NXPH1: variants seen among roughly 807,000 people sequenced by gnomAD.
The protein encoded by NXPH1 is neurexophilin-1.
In NXPH1, 5 loss-of-function variants were observed where a neutral mutation model predicts 23.7. The observed-to-expected ratio is 0.21, with a 90% confidence interval of 0.11 to 0.44. NXPH1 has a LOEUF of 0.44. Among genes scored for constraint, NXPH1 ranks in the 20% least tolerant of loss-of-function variants. NXPH1 has a pLI of 0.99. For missense variants in NXPH1, 324 were observed against 321.6 expected (o/e 1.01, Z -0.06); for synonymous variants, 144 against 122.2 (o/e 1.18, Z -1.18).
intron 2 of NXPH1, among the ~76,000 whole-genome samples, chr7:8,577,494 A>C (rs1266755605): frequency 1.3e-5 from 2 of 152,174 alleles, no homozygotes; most frequent in Non-Finnish European, 2.9e-5. Flanking sequence ...TACTGTTTAC[A>C]TCAAAAACTA....
chr7:8,710,473 G>A (rs932474662), intron 2 of NXPH1, among the ~76,000 whole-genome samples: 1 of 152,044 alleles, frequency 6.6e-6, no homozygotes, highest in African/African-American at 2.4e-5. Context: ...TTTTAAAGAA[G>A]CATTTTTCTG....
At position 8,461,843 on chromosome 7, in the gene NXPH1, A is replaced by AAAAAAAGAAAAAAAAG. The variant is rs1554423594; in HGVS notation, c.54+26082_54+26083insGAAAAAAAAGAAAAAA. 1.7e-4 allele frequency among the ~76,000 whole-genome samples: 21 copies of AAAAAAAGAAAAAAAAG among 121,472 alleles called. 2 individuals carry two copies. Among genetic ancestry groups the AAAAAAAGAAAAAAAAG allele is most frequent in the African/African-American group, 6.3e-4 (21 of 33,382 alleles). The allele number at this position is 121,472 out of a possible 152,430, so 79.7% of individuals were successfully genotyped here. ...CAGAGCGAGACTCCGTCTCAAAAAA[A>AAAAAAAGAAAAAAAAG]AAAAAAAAGAATAAACACACAAGTG... On this transcript the variant is annotated intron_variant, in intron 2 of 2. Transcript: ENST00000405863.
chr7:8,499,881 T>C (rs936204081), intron 2 of NXPH1, among the ~76,000 whole-genome samples: 5 of 152,092 alleles, frequency 3.3e-5, no homozygotes, highest in African/African-American at 1.2e-4. Context: ...AAGAGCCTCC[T>C]TGTGCGGCCA....
At chr7:8,655,400 T>TTCTCCCTC (rs1820559179) in intron 2 of NXPH1, among the ~76,000 whole-genome samples, 1 of 42,868 alleles carries the variant, frequency 2.3e-5, no homozygotes, top group Non-Finnish European at 4.8e-5. Context: ...GTCTTTGTCT[T>TTCTCCCTC]TCTCTCTCTC....
intron 2 of NXPH1, among the ~76,000 whole-genome samples, chr7:8,696,182 AC>A (rs1305972125): frequency 6.6e-6 from 1 of 152,230 alleles, no homozygotes; most frequent in African/African-American, 2.4e-5. Flanking sequence ...AAACTAACTT[AC>A]GTTTTCTGGT....
chr7:8,497,593 T>G (rs1817358963), intron 2 of NXPH1, among the ~76,000 whole-genome samples: 1 of 152,200 alleles, frequency 6.6e-6, no homozygotes, highest in Admixed American at 6.5e-5. Flanking sequence ...GGTTTTGATT[T>G]GCATTTCTCT....
intron 2 of NXPH1, among the ~76,000 whole-genome samples, chr7:8,567,147 A>C (rs2128621498): frequency 6.6e-6 from 1 of 151,954 alleles, no homozygotes; most frequent in South Asian, 2.1e-4. Context: ...AGTTTGCTTC[A>C]AATCTTATGT....
intron 2 of NXPH1, among the ~76,000 whole-genome samples, chr7:8,465,926 C>A (rs1323456795): frequency 3.3e-5 from 5 of 152,186 alleles, no homozygotes; most frequent in African/African-American, 1.2e-4. Context: ...TTCTGTCCCC[C>A]ATGTACTGCA....
intron 2 of NXPH1, among the ~76,000 whole-genome samples, chr7:8,609,083 C>A (rs895572101): frequency 2.6e-5 from 4 of 152,094 alleles, no homozygotes; most frequent in African/African-American, 4.8e-5. Context: ...AAGAACCTAT[C>A]AGTGATTTTA....
chr7:8,552,203 C>A (rs902952313), intron 2 of NXPH1, among the ~76,000 whole-genome samples: 3 of 150,312 alleles, frequency 2.0e-5, no homozygotes, highest in Non-Finnish European at 3.0e-5. Context: ...CTGCAGGAGG[C>A]CTTGGTCCTT....
rs751795406 is a variant in NXPH1 at position 8,435,720 on chromosome 7, G to C, written c.7G>C (p.Ala3Pro). 2 of 1,613,970 alleles carry C rather than the reference G, an allele frequency of 1.2e-6. No homozygotes were observed. The highest frequency in any genetic ancestry group is 8.5e-7 in the Non-Finnish European group (1 of 1,179,874). MQ[A>P]ACWYVLFLLQ... is the part of the protein sequence containing the mutation. The stretch of plus-strand genomic sequence containing the variant: ...AAGTTTGAGACGCGGGAGAATGCAG[G>C]CTGCGTGCTGGTACGTGCTTTTCCT... The change falls in exon 2 of 3, where the codon GCT (alanine) becomes CCT (proline). Residue 3 changes from alanine (A) to proline (P), a missense_variant. Transcript: ENST00000405863. The surrounding 1 kb of genome is among the most constrained non-coding windows in gnomAD (Gnocchi z 5.9).
intron 2 of NXPH1, among the ~76,000 whole-genome samples, chr7:8,647,826 C>T (rs376674567): frequency 3.3e-5 from 5 of 150,490 alleles, no homozygotes; most frequent in African/African-American, 1.2e-4. Flanking sequence ...AGTAATTTGG[C>T]CATTTTATCC....
intron 2 of NXPH1, among the ~76,000 whole-genome samples, chr7:8,490,732 A>G (rs1817235905): frequency 6.6e-6 from 1 of 152,060 alleles, no homozygotes; most frequent in South Asian, 2.1e-4. Context: ...TTAAAATGGC[A>G]ATAAATATTT....
At chr7:8,668,275 G>GT (rs1562448816) in intron 2 of NXPH1, among the ~76,000 whole-genome samples, 6 of 47,842 alleles carry the variant, frequency 1.3e-4, no homozygotes, top group African/African-American at 2.4e-4. Flanking sequence ...TTTTTATTTT[G>GT]TTGTTGTTGT....
At chr7:8,489,542 A>G (rs1449883557) in intron 2 of NXPH1, among the ~76,000 whole-genome samples, 1 of 152,086 alleles carries the variant, frequency 6.6e-6, no homozygotes, top group East Asian at 1.9e-4. Flanking sequence ...TGCTCTTACT[A>G]TTAAACGGTT....
At chr7:8,482,705 A>G (rs1387782322) in intron 2 of NXPH1, among the ~76,000 whole-genome samples, 1 of 152,146 alleles carries the variant, frequency 6.6e-6, no homozygotes. Flanking sequence ...CAACCTCAGA[A>G]TACTTAATAC....
intron 2 of NXPH1, among the ~76,000 whole-genome samples, chr7:8,521,685 T>A (rs945234389): frequency 1.3e-5 from 2 of 152,208 alleles, no homozygotes; most frequent in Non-Finnish European, 2.9e-5. Context: ...TTTTTAGACA[T>A]CATTGCATAG....
At chr7:8,623,608 T>A (rs12531007) in intron 2 of NXPH1, among the ~76,000 whole-genome samples, 6,021 of 124,444 alleles carry the variant, frequency 0.048, 285 homozygotes, top group East Asian at 0.17. Context: ...ATAGACTGGA[T>A]TTTAGGTAAT....
chr7:8,587,556 T>C (rs190833258), intron 2 of NXPH1, among the ~76,000 whole-genome samples: 428 of 152,266 alleles, frequency 2.8e-3, no homozygotes, highest in Non-Finnish European at 4.9e-3. Context: ...TACATAGGCA[T>C]ACACGTGTCA....
Sources: gnomAD v4.1 joint callset for allele counts (sites outside exome capture counted in the v4.1 genomes callset) on GRCh38, gnomAD v4.1.1 for gene constraint, Gnocchi (gnomAD v3.1) non-coding constraint, MANE v1.5 for transcripts, NCBI Gene and HGNC (gene_info 2026-07-23, HGNC 2026-07-21) for gene names.